The following ANKRD11 variants were observed in gnomAD, a reference collection of about 807,000 sequenced individuals.
The protein encoded by ANKRD11 is ankyrin repeat domain 11.
In ANKRD11, 17 loss-of-function variants were observed where a neutral mutation model predicts 195.7. That is an observed-to-expected ratio of 0.09 (90% CI 0.06 to 0.13). The LOEUF is 0.13. Ranked by LOEUF, ANKRD11 falls within the 10% of genes least tolerant of loss-of-function variation. The probability of loss-of-function intolerance (pLI) is 1.00; values close to 1 mark genes in which losing one functional copy is unlikely to be tolerated. For missense variants in ANKRD11, 3,735 were observed against 3,566.1 expected, an observed-to-expected ratio of 1.05 and a Z score of -1.21; for synonymous variants, 1,953 against 1,528.1, an observed-to-expected ratio of 1.28 and a Z score of -6.49.
At chr16:89,278,890 C>G (rs2033905616) in intron 9 of ANKRD11, 182 bp downstream of exon 9, 1 of 1,035,716 alleles carries the variant, frequency 9.7e-7, no homozygotes, top group Non-Finnish European at 1.5e-6. Flanking sequence ...TGCAGAACAG[C>G]TGGGCAGCTT....
chr16:89,449,996 C>T (rs2043996018), intron 1 of ANKRD11, among the ~76,000 whole-genome samples: 1 of 152,178 alleles, frequency 6.6e-6, no homozygotes, highest in African/African-American at 2.4e-5. Context: ...TGCCTAAGCA[C>T]TGGGGAGCAC....
At chr16:89,278,581 G>A (rs1479030511) in intron 9 of ANKRD11, 3 of 457,506 alleles carry the variant, frequency 6.6e-6, no homozygotes, top group South Asian at 3.1e-5. Context: ...CTGCCCCAAG[G>A]GAGCTGCAGC....
chr16:89,337,946 TGAG>T (rs1360879151), intron 2 of ANKRD11, among the ~76,000 whole-genome samples: 1 of 152,188 alleles, frequency 6.6e-6, no homozygotes, highest in Non-Finnish European at 1.5e-5. Context: ...CTGCTGAGCA[TGAG>T]GGTCCAGCTT....
At position 89,400,830 on chromosome 16, in the gene ANKRD11, T is replaced by C. The variant is rs563231131; in HGVS notation, c.-60+17454A>G. ...CCCCAGGCTTCCCTGCGCTGGAGGC[T>C]GGTCATCTGACGGGAACCCCTGCAG... is the stretch of plus-strand genomic sequence containing the variant. On this transcript the variant is annotated intron_variant, in intron 2 of 12. Transcript: ENST00000301030. Among the ~76,000 whole-genome samples, 231 of 151,102 alleles carry C rather than the reference T, an allele frequency of 1.5e-3. 1 individual carries two copies. The highest frequency in any genetic ancestry group is 5.4e-3 in the African/African-American group (220 of 40,916).
At chr16:89,489,461 C>A (rs990534745) in intron 1 of ANKRD11, among the ~76,000 whole-genome samples, 10 of 149,674 alleles carry the variant, frequency 6.7e-5, no homozygotes, top group African/African-American at 2.5e-4. Flanking sequence ...CATTCCTGCC[C>A]CTCCTCGGCC....
At chr16:89,453,563 A>G (rs2056287648) in intron 1 of ANKRD11, among the ~76,000 whole-genome samples, 1 of 152,222 alleles carries the variant, frequency 6.6e-6, no homozygotes, top group African/African-American at 2.4e-5. Context: ...GCTGACCATC[A>G]CTTGTATTGC....
intron 2 of ANKRD11, among the ~76,000 whole-genome samples, chr16:89,347,155 C>A (rs1259270697): frequency 3.3e-5 from 5 of 152,146 alleles, no homozygotes; most frequent in Non-Finnish European, 7.3e-5. Flanking sequence ...CAGCAAGCAG[C>A]TTGCTGAAAT....
rs558643458 is a variant in ANKRD11 at position 89,363,850 on chromosome 16, G to T, written c.-59-46772C>A. On this transcript the variant is annotated intron_variant, in intron 2 of 12. Coordinates refer to ENST00000301030, the MANE Select transcript of ANKRD11 (RefSeq NM_013275.6). Reference sequence around the variant, plus strand: ...CAAGGAGGACTGACTGAGGCAAAAAGTTCGAGACCAGCCTGGCCATCGTGG... The same window carrying T: ...CAAGGAGGACTGACTGAGGCAAAAATTTCGAGACCAGCCTGGCCATCGTGG... Among the ~76,000 whole-genome samples the T allele has an allele frequency of 3.9e-5, 6 of 152,106 alleles. No homozygotes were observed. The South Asian group carries it at 1.2e-3, about 32-fold the overall frequency.
At position 89,344,429 on chromosome 16, in the gene ANKRD11, G is replaced by A. The variant is rs570592290; in HGVS notation, c.-59-27351C>T. ...CTCCAGACCCCGTCAGGGCCAACAC[G>A]GGCCACTGCTGTCCACACACTCCTA... On this transcript the variant is annotated intron_variant, in intron 2 of 12. Coordinates refer to ENST00000301030, the MANE Select transcript of ANKRD11 (RefSeq NM_013275.6). Among the ~76,000 whole-genome samples the A allele has an allele frequency of 2.8e-4, 42 of 152,246 alleles. 1 individual carries two copies. The highest frequency in any genetic ancestry group is 1.4e-3 in the South Asian group (7 of 4,828).
At position 89,458,104 on chromosome 16, in the gene ANKRD11, GA is replaced by G. The variant is rs201939339; in HGVS notation, c.-145+32140del. On this transcript the variant is annotated intron_variant, in intron 1 of 12. Coordinates refer to ENST00000301030, the MANE Select transcript of ANKRD11 (RefSeq NM_013275.6). ...CCCCAGGAAAGCAGTGACACAAAAA[GA>G]AAAAAAAAAGCTTTCTGAAACGGTG... 0.012 allele frequency among the ~76,000 whole-genome samples: 1,682 copies of G among 143,462 alleles called. 34 individuals are homozygous for G. The highest frequency in any genetic ancestry group is 0.041 in the African/African-American group (1,612 of 39,116). 94.1% of individuals were successfully genotyped at this position (143,462 alleles called of 152,430 possible). A position where few individuals can be genotyped will look rare whatever the true frequency, so the allele number is the denominator to read the frequency against.
At chr16:89,317,761 T>A (rs1237833615) in intron 2 of ANKRD11, among the ~76,000 whole-genome samples, 1 of 152,210 alleles carries the variant, frequency 6.6e-6, no homozygotes, top group Non-Finnish European at 1.5e-5. Flanking sequence ...GTATATTATT[T>A]TTATTTATTA....
chr16:89,386,619 G>A (rs1041377896), intron 2 of ANKRD11, among the ~76,000 whole-genome samples: 1 of 152,200 alleles, frequency 6.6e-6, no homozygotes, highest in African/African-American at 2.4e-5. Context: ...TACAGGACAC[G>A]AGTCAAGACA....
At chr16:89,306,320 T>C (rs375430596) in intron 3 of ANKRD11, among the ~76,000 whole-genome samples, 61 of 9,820 alleles carry the variant, frequency 6.2e-3, no homozygotes, top group South Asian at 0.014. Flanking sequence ...CGCAGACACG[T>C]GCCACCTCCC....
At chr16:89,439,036 C>A in intron 1 of ANKRD11, among the ~76,000 whole-genome samples, 1 of 150,574 alleles carries the variant, frequency 6.6e-6, no homozygotes, top group Non-Finnish European at 1.5e-5. Context: ...TAACCTTTCT[C>A]TTAAAAAAAA....
At chr16:89,351,577 G>C (rs1324564665) in intron 2 of ANKRD11, among the ~76,000 whole-genome samples, 1 of 152,220 alleles carries the variant, frequency 6.6e-6, no homozygotes, top group Non-Finnish European at 1.5e-5. Flanking sequence ...TTAAGGCATG[G>C]AGACGAAGCT....
rs199741622 is a variant in ANKRD11 at position 89,323,605 on chromosome 16, G to GA, written c.-59-6528_-59-6527insT. Reference sequence around the variant, plus strand: ...AGCCCAGGGCAGGGGGGCTGAGCCCGGGGCAGGGGAAGAGCCGAGGGACAG... The same window carrying GA: ...AGCCCAGGGCAGGGGGGCTGAGCCCGAGGGCAGGGGAAGAGCCGAGGGACAG... On this transcript the variant is annotated intron_variant, in intron 2 of 12. Transcript: ENST00000301030. Among the ~76,000 whole-genome samples the GA allele has an allele frequency of 2.1e-3, 74 of 36,032 alleles. 14 individuals carry two copies. Among genetic ancestry groups the GA allele is most frequent in the African/African-American group, 4.2e-3 (58 of 13,872 alleles). The allele number at this position is 36,032 out of a possible 152,430, so 23.6% of individuals were successfully genotyped here. A position where few individuals can be genotyped will look rare whatever the true frequency, so the allele number is the denominator to read the frequency against.
At chr16:89,444,148 T>A (rs1040335690) in intron 1 of ANKRD11, among the ~76,000 whole-genome samples, 1 of 152,130 alleles carries the variant, frequency 6.6e-6, no homozygotes, top group Non-Finnish European at 1.5e-5. Flanking sequence ...TGTTCCTGCA[T>A]AAAATACTAG....
chr16:89,362,981 A>G (rs532202437), intron 2 of ANKRD11, among the ~76,000 whole-genome samples: 2 of 152,022 alleles, frequency 1.3e-5, no homozygotes, highest in South Asian at 4.1e-4. Context: ...ACACAGCGTC[A>G]GGTTATAAAT....
At chr16:89,307,704 TG>T (rs2036372270) in intron 3 of ANKRD11, among the ~76,000 whole-genome samples, 1 of 152,256 alleles carries the variant, frequency 6.6e-6, no homozygotes, top group East Asian at 1.9e-4. Context: ...AGCTTTTCTA[TG>T]GCCCCCTCGG....
Sources: allele counts gnomAD v4.1 joint callset (sites outside exome capture counted in the v4.1 genomes callset), GRCh38; gene constraint gnomAD v4.1.1; transcripts MANE v1.5; gene names NCBI Gene and HGNC (gene_info 2026-07-23, HGNC 2026-07-21).